The following COL17A1 variants were observed in gnomAD, a reference collection of about 807,000 sequenced individuals.
COL17A1 encodes the protein collagen alpha-1(XVII) chain.
In COL17A1, 181 loss-of-function variants were observed where a neutral mutation model predicts 218.4. That is an observed-to-expected ratio of 0.83 (90% confidence interval 0.73 to 0.94). The LOEUF (loss-of-function observed/expected upper bound fraction) is 0.94, where lower values mean the gene tolerates loss of function less well. Ranked by LOEUF, COL17A1 falls within the 40% of genes least tolerant of loss-of-function variation. The pLI, the probability that COL17A1 is intolerant of heterozygous loss-of-function variation, is 0.00. For synonymous variants in COL17A1, 721 were observed against 731.0 expected (o/e 0.99, Z 0.22); for missense variants, 1,924 against 1,945.9 (o/e 0.99, Z 0.21).
rs189035995 is a variant in COL17A1 at position 104,042,650 on chromosome 10, C to T, written c.2516-195G>A. The stretch of plus-strand genomic sequence containing the variant: ...ACATCTCTGACAGGCACCGGGACCC[C>T]GGGGCAGGCGGGACTGCCCCCTCTG... On this transcript the variant is annotated intron_variant, in intron 35 of 55. Transcript: ENST00000648076. Among the ~76,000 whole-genome samples, 195 of 152,324 alleles carry T rather than the reference C, an allele frequency of 1.3e-3. 1 individual carries two copies. Among genetic ancestry groups the T allele is most frequent in the African/African-American group, 4.4e-3 (181 of 41,574 alleles).
At chr10:104,047,931 A>T (rs1387748607) in intron 30 of COL17A1, 121 bp from the exon 31 acceptor site, 7 of 1,372,052 alleles carry the variant, frequency 5.1e-6, no homozygotes, top group Non-Finnish European at 7.3e-6. Context: ...TGGAAAGGAG[A>T]AGGGGAACAG....
Position 104,033,184 on chromosome 10 carries a change from C to A in COL17A1, c.4294+54G>T, listed in dbSNP as rs192988199. ...GAGACTGGTGTCTCTGGAGCAGACC[C>A]GTGGGAACCTATGCAGTGAGGCAGG... On this transcript the variant is annotated intron_variant, in intron 53 of 55. Coordinates refer to ENST00000648076, the MANE Select transcript of COL17A1 (RefSeq NM_000494.4). 5.6e-3 allele frequency: 8,687 copies of A among 1,561,560 alleles called. 55 individuals are homozygous for A. Among genetic ancestry groups the A allele is most frequent in the Non-Finnish European group, 5.8e-3 (6,704 of 1,151,734 alleles).
chr10:104,046,782 A>G lies in COL17A1; in HGVS notation c.2336-9T>C. On this transcript the variant is annotated splice_polypyrimidine_tract_variant and intron_variant, in intron 31 of 55. Coordinates refer to ENST00000648076, the MANE Select transcript of COL17A1 (RefSeq NM_000494.4). ...CTGGGGTCCTGTGAGACCTGCAGAA[A>G]ATCAGACACAAGAGGGAAGAGTTGA... The G allele has an allele frequency of 6.2e-7, 1 of 1,613,756 alleles. No individual in the cohort carries two copies. Among genetic ancestry groups the G allele is most frequent in the Non-Finnish European group, 8.5e-7 (1 of 1,179,838 alleles).
Position 104,034,746 on chromosome 10 carries a change from G to A in COL17A1, c.3641C>T (p.Pro1214Leu). The A allele has an allele frequency of 6.2e-7, 1 of 1,612,618 alleles. No individual in the cohort carries two copies. The highest frequency in any genetic ancestry group is 8.5e-7 in the Non-Finnish European group (1 of 1,179,664). Residue 1214 changes from proline (P) to leucine (L), a missense_variant, in exon 51 of 56, where the codon CCA becomes CTA. Coordinates refer to ENST00000648076, the MANE Select transcript of COL17A1 (RefSeq NM_000494.4). Reference sequence around the variant, plus strand: ...GGGACCAGGAGGTCCTGGAGGGCCTGGGATGAATGACAAGCCGGCAGCTGG... The same window carrying A: ...GGGACCAGGAGGTCCTGGAGGGCCTAGGATGAATGACAAGCCGGCAGCTGG... ...YLHTAGLSFI[P>L]GPPGPPGPPG...
In COL17A1 at chr10:104,047,774, C is replaced by T; in HGVS notation, c.2300G>A (p.Gly767Asp). 3.7e-6 allele frequency: 6 copies of T among 1,614,178 alleles called. No individual in the cohort carries two copies. Among genetic ancestry groups the T allele is most frequent in the Non-Finnish European group, 5.1e-6 (6 of 1,180,026 alleles). Residue 767 changes from glycine (G) to aspartate (D), a missense_variant, in exon 31 of 56, where the codon GGC (glycine) becomes GAC (aspartate). Physicochemically the swap from Gly to Asp is moderately conservative, Grantham distance 94 (BLOSUM62 -1). Coordinates refer to ENST00000648076, the MANE Select transcript of COL17A1 (RefSeq NM_000494.4). ...QGLTGMPGIR[G>D]PPGPSGDPGK... ...TGGGTCTCCAGAAGGTCCTGGTGGGCCACGGATTCCAGGCATCCCAGTAAG... is the reference window on the plus strand; with the variant it reads ...TGGGTCTCCAGAAGGTCCTGGTGGGTCACGGATTCCAGGCATCCCAGTAAG...
At chr10:104,050,033 T>G in intron 28 of COL17A1, 56 bp downstream of exon 28, 1 of 1,613,502 alleles carries the variant, frequency 6.2e-7, no homozygotes, top group South Asian at 1.1e-5. Context: ...ACCTAGTGAC[T>G]GATGGATTTA....
At chr10:104,057,209 C>T (rs1159435289) in intron 16 of COL17A1, 37 bp from the exon 17 acceptor site, 1 of 1,613,728 alleles carries the variant, frequency 6.2e-7, no homozygotes, top group Non-Finnish European at 8.5e-7. Flanking sequence ...CAAATGCAGG[C>T]AGCTCCTGCC....
chr10:104,032,094 A>AAAC lies in COL17A1; in HGVS notation c.*138_*140dup, dbSNP rs1471487538. 4.2e-6 allele frequency: 3 copies of AAAC among 707,306 alleles called. No individual in the cohort carries two copies. The highest frequency in any genetic ancestry group is 7.7e-6 in the Non-Finnish European group (3 of 389,654). The allele number at this position is 707,306 out of a possible 1,614,324, so 43.8% of individuals were successfully genotyped here. On this transcript the variant is annotated 3_prime_UTR_variant, in exon 56 of 56. Coordinates refer to ENST00000648076, the MANE Select transcript of COL17A1 (RefSeq NM_000494.4). ...CTATAAGTATATATTGTTCAGACTAAAACAAATGTTGCTAGCTAGGTTGGC... is the reference window on the plus strand; with the variant it reads ...CTATAAGTATATATTGTTCAGACTAAAACAACAAATGTTGCTAGCTAGGTTGGC...
intron 8 of COL17A1, 138 bp from the exon 9 acceptor site, chr10:104,070,707 G>C: frequency 6.3e-7 from 1 of 1,576,032 alleles, no homozygotes; most frequent in Non-Finnish European, 8.6e-7. Context: ...TTTTTGCTTG[G>C]CTTTATAATA....
chr10:104,062,311 T>G lies in COL17A1; in HGVS notation c.857A>C (p.Asn286Thr). 1 of 1,614,178 alleles carries G rather than the reference T, an allele frequency of 6.2e-7. No individual in the cohort carries two copies. Residue 286 changes from asparagine to threonine, a missense_variant, in exon 12 of 56, where the codon AAT becomes ACT. By Grantham distance (65) the Asn-to-Thr change is moderately conservative. Coordinates refer to ENST00000648076, the MANE Select transcript of COL17A1 (RefSeq NM_000494.4). The stretch of plus-strand genomic sequence containing the variant: ...CAGGGTGGTCAAGCTGGGGGCCAGA[T>G]TGTTCTGCATGCCAAACACTGTGAA... Reference protein sequence around the residue: ...TSSSVFGMQNNLAPSLTTLSH... With the variant: ...TSSSVFGMQNTLAPSLTTLSH...
intron 16 of COL17A1, 38 bp from the exon 17 acceptor site, chr10:104,057,210 A>AG (rs1365348965): frequency 1.2e-6 from 2 of 1,613,786 alleles, no homozygotes; most frequent in Non-Finnish European, 1.7e-6. Context: ...AAATGCAGGC[A>AG]GCTCCTGCCT....
At chr10:104,044,361 A>G (rs1178561633) in intron 33 of COL17A1, among the ~76,000 whole-genome samples, 1 of 152,216 alleles carries the variant, frequency 6.6e-6, no homozygotes, top group African/African-American at 2.4e-5. Context: ...AAAGGTTAAC[A>G]AGATCTCTTT....
intron 9 of COL17A1, among the ~76,000 whole-genome samples, chr10:104,065,998 C>T (rs947540926): frequency 6.6e-6 from 1 of 152,172 alleles, no homozygotes; most frequent in African/African-American, 2.4e-5. Context: ...TAGCTAATGC[C>T]TGCTTGTTGG....
intron 8 of COL17A1, among the ~76,000 whole-genome samples, chr10:104,071,092 A>G (rs1474857838): frequency 6.6e-6 from 1 of 152,196 alleles, no homozygotes; most frequent in Non-Finnish European, 1.5e-5. Context: ...AATTTGTAGC[A>G]AGGTGAAAAG....
chr10:104,084,081 G>T (rs2086787479), intron 1 of COL17A1, among the ~76,000 whole-genome samples: 1 of 152,148 alleles, frequency 6.6e-6, no homozygotes. Context: ...CCAGAGATGG[G>T]TTTGCTGCTT....
chr10:104,049,579 G>T, intron 28 of COL17A1, 108 bp from the exon 29 acceptor site: 2 of 1,217,184 alleles, frequency 1.6e-6, no homozygotes, highest in South Asian at 1.2e-5. Flanking sequence ...CTTCTGCTTT[G>T]ATTCCAAGGT....
At chr10:104,075,840 A>T (rs1471838736) in intron 5 of COL17A1, among the ~76,000 whole-genome samples, 1 of 152,220 alleles carries the variant, frequency 6.6e-6, no homozygotes, top group Non-Finnish European at 1.5e-5. Flanking sequence ...ATCTTTGGGT[A>T]TCAAACTCTT....
intron 36 of COL17A1, 101 bp downstream of exon 36, chr10:104,042,319 A>G (rs1258923704): frequency 7.6e-7 from 1 of 1,309,472 alleles, no homozygotes; most frequent in Non-Finnish European, 1.1e-6. Flanking sequence ...TCCAAAACAC[A>G]CCTTTCACGT....
At chr10:104,043,888 G>A (rs528980486) in intron 33 of COL17A1, 28 bp from the exon 34 acceptor site, 2 of 1,613,914 alleles carry the variant, frequency 1.2e-6, no homozygotes, top group Non-Finnish European at 1.7e-6. Flanking sequence ...GGCTGAGAGT[G>A]GTTGTTCTGA....
Sources: allele counts gnomAD v4.1 joint callset (sites outside exome capture counted in the v4.1 genomes callset), GRCh38; gene constraint gnomAD v4.1.1; transcripts MANE v1.5; gene names NCBI Gene and HGNC (gene_info 2026-07-23, HGNC 2026-07-21).